The following USP7 variants were observed in gnomAD, a reference collection of about 807,000 sequenced individuals.
USP7 encodes the protein ubiquitin specific peptidase 7.
USP7 carries 9 observed loss-of-function variants against 162.9 expected under a neutral mutation model. The ratio of observed to expected loss-of-function variants is 0.06; its 90% CI spans 0.03 to 0.10. The LOEUF (loss-of-function observed/expected upper bound fraction) is 0.10, where lower values mean the gene tolerates loss of function less well. USP7 is among the 10% of genes least tolerant of loss of function. USP7 has a pLI of 1.00. For synonymous variants in USP7, 562 were observed against 475.9 expected (o/e 1.18, Z -2.35); for missense variants, 715 against 1,373.7 (o/e 0.52, Z 7.58).
At chr16:8,942,864 C>T (rs1315064156) in intron 1 of USP7, among the ~76,000 whole-genome samples, 1 of 152,134 alleles carries the variant, frequency 6.6e-6, no homozygotes, top group African/African-American at 2.4e-5. Flanking sequence ...TGATTTTATA[C>T]CCTCCAGTTA....
chr16:8,926,630 G>T (rs1898015728), intron 2 of USP7, among the ~76,000 whole-genome samples: 1 of 152,170 alleles, frequency 6.6e-6, no homozygotes, highest in Non-Finnish European at 1.5e-5. Flanking sequence ...ATAGTTAACA[G>T]TACACTGGAT....
intron 2 of USP7, among the ~76,000 whole-genome samples, chr16:8,926,067 T>G (rs1284623311): frequency 6.7e-6 from 1 of 150,040 alleles, no homozygotes; most frequent in East Asian, 2.0e-4. Context: ...GGCAGGAGAA[T>G]GGCGTGAACC....
At chr16:8,938,849 G>C (rs895546501) in intron 1 of USP7, among the ~76,000 whole-genome samples, 2 of 152,164 alleles carry the variant, frequency 1.3e-5, no homozygotes, top group Non-Finnish European at 2.9e-5. Context: ...AAGCCACGTA[G>C]AGATAATTTA....
rs759285520 is a variant in USP7, at chr16:8,915,548, T to TA, written c.907-24dup. 267 of 1,608,978 alleles carry TA rather than the reference T, an allele frequency of 1.7e-4. 1 individual carries two copies. The highest frequency in any genetic ancestry group is 2.2e-4 in the Non-Finnish European group (259 of 1,178,412). On this transcript the variant is annotated intron_variant, in intron 8 of 30. Transcript: ENST00000344836. Reference sequence around the variant, plus strand: ...CAACTGAAAAAGAATGTTTTGGCTTTAAAAAAACTTTTTTGTACTTAGTAA... The same window carrying TA: ...CAACTGAAAAAGAATGTTTTGGCTTTAAAAAAAACTTTTTTGTACTTAGTAA...
rs1555461671 is a variant in USP7 at position 8,897,726 on chromosome 16, A to AAAAAAAATATATAT, written c.2719-628_2719-627insATATATATTTTTTT. 1.1e-3 allele frequency among the ~76,000 whole-genome samples: 8 copies of AAAAAAAATATATAT among 7,142 alleles called. 1 individual carries two copies. Among genetic ancestry groups the AAAAAAAATATATAT allele is most frequent in the Admixed American group, 6.3e-3 (2 of 318 alleles). 4.7% of individuals were successfully genotyped at this position (7,142 alleles called of 152,430 possible). On this transcript the variant is annotated intron_variant, in intron 25 of 30. Coordinates refer to ENST00000344836, the MANE Select transcript of USP7 (RefSeq NM_003470.3). ...AAAAAAAAAAAAAAAAAAAAAAAAAAATATATATATATATATATATAAATG... is the reference window on the plus strand; with the variant it reads ...AAAAAAAAAAAAAAAAAAAAAAAAAAAAAAAAATATATATATATATATATATATATATATAAATG...
chr16:8,945,868 T>C lies in USP7; in HGVS notation c.80-15471A>G, dbSNP rs571428239. 1.1e-4 allele frequency among the ~76,000 whole-genome samples: 17 copies of C among 151,462 alleles called. No individual in the cohort carries two copies. In the East Asian group the frequency reaches 1.4e-3, roughly 12 times the overall value. ...GAGTCAGAAACCAGCCTGGGCAACA[T>C]AGCGAGACCCCACTTCCAAAAAAAA... On this transcript the variant is annotated intron_variant, in intron 1 of 30. Coordinates refer to ENST00000344836, the MANE Select transcript of USP7 (RefSeq NM_003470.3).
At chr16:8,925,824 A>C (rs1399278208) in intron 2 of USP7, among the ~76,000 whole-genome samples, 1 of 152,192 alleles carries the variant, frequency 6.6e-6, no homozygotes, top group Non-Finnish European at 1.5e-5. Context: ...ATTTCACCTC[A>C]CTTCCTGAAA....
intron 23 of USP7, 96 bp from the exon 24 acceptor site, chr16:8,898,735 C>A (rs2061727313): frequency 9.8e-7 from 1 of 1,022,198 alleles, no homozygotes; most frequent in South Asian, 1.7e-5. Flanking sequence ...TGGCCTTACA[C>A]CTGGTCTTGA....
At position 8,902,467 on chromosome 16, in the gene USP7, G is replaced by C. The variant is rs1023761997; in HGVS notation, c.1855C>G (p.Gln619Glu). Residue 619 changes from glutamine to glutamate, a missense_variant, in exon 17 of 31, where the codon CAA becomes GAA. Coordinates refer to ENST00000344836, the MANE Select transcript of USP7 (RefSeq NM_003470.3). ...GCTTGCATGGGCCACAATCGAATTT[G>C]ATCTTGTGGAAATCCCTGAAAAAAA... ...LSQTMGFPQDQIRLWPMQARS... is the reference protein window; with the variant it reads ...LSQTMGFPQDEIRLWPMQARS... The C allele has an allele frequency of 6.2e-7, 1 of 1,613,146 alleles. No individual in the cohort carries two copies. Among genetic ancestry groups the C allele is most frequent in the South Asian group, 1.1e-5 (1 of 90,824 alleles).
At chr16:8,904,586 C>T in intron 14 of USP7, 21 bp from the exon 15 acceptor site, 3 of 1,612,496 alleles carry the variant, frequency 1.9e-6, no homozygotes, top group Non-Finnish European at 2.5e-6. Flanking sequence ...AAGGCATCCT[C>T]TTTGACCCCT....
chr16:8,963,188 G>A lies in USP7; in HGVS notation c.79+19C>T. The A allele has an allele frequency of 1.4e-6, 2 of 1,403,638 alleles. No individual in the cohort carries two copies. The highest frequency in any genetic ancestry group is 1.9e-6 in the Non-Finnish European group (2 of 1,068,950). 86.9% of individuals were successfully genotyped at this position (1,403,638 alleles called of 1,614,324 possible). ...AAAGGCGCCCCCCGGCCCCGCCGCG[G>A]CCGGCCCTCGGGCCTCACCTTCCAT... On this transcript the variant is annotated intron_variant, in intron 1 of 30. Transcript: ENST00000344836.
Position 8,916,189 on chromosome 16 carries a change from G to A in USP7, c.906+313C>T, listed in dbSNP as rs765437211. On this transcript the variant is annotated intron_variant, in intron 8 of 30. Coordinates refer to ENST00000344836, the MANE Select transcript of USP7 (RefSeq NM_003470.3). The stretch of plus-strand genomic sequence containing the variant: ...CACTGTACAGTGACTCAGGACCAAC[G>A]GGACAGCCAACAAAGCCAGTCTTTG... 2.6e-5 allele frequency among the ~76,000 whole-genome samples: 4 copies of A among 152,288 alleles called. No individual in the cohort carries two copies. The East Asian group carries it at 7.7e-4, about 29-fold the overall frequency.
Position 8,920,344 on chromosome 16 carries a change from T to C in USP7, c.611+15A>G. On this transcript the variant is annotated intron_variant, in intron 5 of 30. Transcript: ENST00000344836. ...AAAGACATTTTTAACAGCACCTGAT[T>C]AAAGAAAAACTTACGCAACTCCATG... 1 of 1,601,574 alleles carries C rather than the reference T, an allele frequency of 6.2e-7. No homozygotes were observed. The highest frequency in any genetic ancestry group is 8.5e-7 in the Non-Finnish European group (1 of 1,176,196).
chr16:8,952,838 C>CT (rs548309636), intron 1 of USP7, among the ~76,000 whole-genome samples: 7,315 of 145,300 alleles, frequency 0.05, 230 homozygotes, highest in Middle Eastern at 0.15. Context: ...ACCACACTCG[C>CT]TTTTTTTTTT....
intron 1 of USP7, chr16:8,936,709 C>A: frequency 7.0e-7 from 1 of 1,430,766 alleles, no homozygotes. Context: ...AGCTCTACCT[C>A]AGCATTCTTT....
chr16:8,921,019 T>A (rs1458358653), intron 4 of USP7, 138 bp downstream of exon 4: 1 of 978,324 alleles, frequency 1.0e-6, no homozygotes, highest in African/African-American at 1.7e-5. Flanking sequence ...GGAGAAAACA[T>A]GTTTTCAAAG....
At chr16:8,899,335 CT>C (rs1183675271) in intron 22 of USP7, 147 bp from the exon 23 acceptor site, 7 of 815,442 alleles carry the variant, frequency 8.6e-6, no homozygotes, top group Admixed American at 5.4e-5. Context: ...TATATTATTC[CT>C]TAATGAATCA....
intron 6 of USP7, among the ~76,000 whole-genome samples, chr16:8,917,885 G>A: frequency 6.6e-6 from 1 of 151,940 alleles, no homozygotes; most frequent in East Asian, 1.9e-4. Flanking sequence ...CGCCTCCCAG[G>A]TCCACGCCAT....
At chr16:8,937,604 G>A (rs796577239) in intron 1 of USP7, among the ~76,000 whole-genome samples, 6 of 152,260 alleles carry the variant, frequency 3.9e-5, no homozygotes, top group African/African-American at 1.4e-4. Context: ...GGAGGCTGAG[G>A]TGGGACGTAA....
Sources: allele counts gnomAD v4.1 joint callset (sites outside exome capture counted in the v4.1 genomes callset), GRCh38; gene constraint gnomAD v4.1.1; transcripts MANE v1.5; gene names NCBI Gene and HGNC (gene_info 2026-07-23, HGNC 2026-07-21).